Variants in CATSPERB observed in about 807,000 individuals in gnomAD.
The protein encoded by CATSPERB is cation channel sperm-associated auxiliary subunit beta.
Under a neutral mutation model 128.3 loss-of-function variants are expected in CATSPERB, and 93 were observed. The observed-to-expected ratio is 0.72, with a 90% CI of 0.61 to 0.86. The LOEUF (loss-of-function observed/expected upper bound fraction) is 0.86, where lower values mean the gene tolerates loss of function less well. Ranked by LOEUF, CATSPERB falls within the 40% of genes least tolerant of loss-of-function variation. CATSPERB has a pLI of 0.00. For synonymous variants in CATSPERB, 381 were observed against 448.8 expected, an observed-to-expected ratio of 0.85 and a Z score of 1.91; for missense variants, 1,153 against 1,329.5, an observed-to-expected ratio of 0.87 and a Z score of 2.06.
chr14:91,682,686 C>T (rs1037780906), intron 11 of CATSPERB, among the ~76,000 whole-genome samples: 2 of 152,178 alleles, frequency 1.3e-5, no homozygotes, highest in African/African-American at 2.4e-5. Flanking sequence ...AAAGCACAAA[C>T]GCCAGACACC....
At chr14:91,716,879 C>A (rs917934027) in intron 5 of CATSPERB, among the ~76,000 whole-genome samples, 1 of 152,082 alleles carries the variant, frequency 6.6e-6, no homozygotes, top group Non-Finnish European at 1.5e-5. Flanking sequence ...ACTTACCATA[C>A]AACACAGTAA....
intron 19 of CATSPERB, among the ~76,000 whole-genome samples, chr14:91,619,861 TTGTGTGTGTGTGTGTGTGTGTGTGTG>T (rs55687285): frequency 2.2e-5 from 3 of 139,034 alleles, no homozygotes; most frequent in African/African-American, 5.4e-5. Flanking sequence ...TGTAATAAAA[TTGTGTGTGTGTGTGTGTGTGTGTGTG>T]TGTGTGTGTG....
intron 7 of CATSPERB, among the ~76,000 whole-genome samples, chr14:91,697,668 T>C (rs1362749347): frequency 6.6e-6 from 1 of 152,236 alleles, no homozygotes; most frequent in Non-Finnish European, 1.5e-5. Flanking sequence ...TTGTTAACTT[T>C]GTTGAAGATC....
At chr14:91,588,511 T>C (rs938839122) in intron 24 of CATSPERB, among the ~76,000 whole-genome samples, 10 of 152,168 alleles carry the variant, frequency 6.6e-5, no homozygotes, top group Non-Finnish European at 1.3e-4. Context: ...TATAATAAGG[T>C]GGCAGTAAAG....
intron 26 of CATSPERB, among the ~76,000 whole-genome samples, chr14:91,582,834 C>T (rs1893227535): frequency 6.6e-6 from 1 of 152,146 alleles, no homozygotes; most frequent in Non-Finnish European, 1.5e-5. Context: ...TTGCCCTCCT[C>T]ACTCTTCAAT....
chr14:91,610,664 A>C lies in CATSPERB; in HGVS notation c.2414T>G (p.Leu805Arg). 1 of 1,611,446 alleles carries C rather than the reference A, an allele frequency of 6.2e-7. No individual in the cohort carries two copies. The highest frequency in any genetic ancestry group is 8.5e-7 in the Non-Finnish European group (1 of 1,177,994). Residue 805 changes from leucine (L) to arginine (R), a missense_variant, in exon 21 of 27, where the codon CTG (leucine) becomes CGG (arginine). By Grantham distance (102) the Leu-to-Arg change is moderately radical. Coordinates refer to ENST00000256343, the MANE Select transcript of CATSPERB (RefSeq NM_024764.4). ...SKVLHQGSTS[L>R]AFIMWSASTE... The stretch of plus-strand genomic sequence containing the variant: ...AGAGGCTGACCACATAATAAATGCC[A>C]GTGAAGTTGAACCCTGGAAATAACC...
intron 24 of CATSPERB, among the ~76,000 whole-genome samples, chr14:91,588,767 T>G (rs970601478): frequency 1.3e-5 from 2 of 152,204 alleles, no homozygotes; most frequent in African/African-American, 4.8e-5. Context: ...ATCAGGACTC[T>G]AAAACTGGTA....
rs1895473950 is a variant in CATSPERB, at chr14:91,691,654, T to C, written c.832-99A>G. 25 of 921,614 alleles carry C rather than the reference T, an allele frequency of 2.7e-5. No individual in the cohort carries two copies. In the South Asian group the frequency reaches 4.7e-4, roughly 17 times the overall value. 57.1% of individuals were successfully genotyped at this position (921,614 alleles called of 1,614,324 possible). A position where few individuals can be genotyped will look rare whatever the true frequency, so the allele number is the denominator to read the frequency against. On this transcript the variant is annotated intron_variant, in intron 9 of 26. Transcript: ENST00000256343. ...TACTAAAGGAAATAAACCATATAAA[T>C]TCGTTGAAACAAAATTATAACTAAA...
At chr14:91,593,802 A>G (rs1259103333) in intron 22 of CATSPERB, among the ~76,000 whole-genome samples, 1 of 152,148 alleles carries the variant, frequency 6.6e-6, no homozygotes, top group Non-Finnish European at 1.5e-5. Flanking sequence ...CCAGGGGCAG[A>G]ATGATATGGT....
At chr14:91,714,754 T>G (rs1895907784) in intron 5 of CATSPERB, among the ~76,000 whole-genome samples, 2 of 151,988 alleles carry the variant, frequency 1.3e-5, no homozygotes, top group African/African-American at 4.8e-5. Flanking sequence ...GAGATGGGGT[T>G]TCGCCACGTT....
At chr14:91,674,695 T>G (rs556342612) in intron 11 of CATSPERB, among the ~76,000 whole-genome samples, 1 of 151,728 alleles carries the variant, frequency 6.6e-6, no homozygotes. Context: ...CTAATTATGT[T>G]CTTGCTTAGA....
rs143756618 is a variant in CATSPERB at position 91,674,241 on chromosome 14, G to A, written c.932-19C>T. ...TAATCAACTGTGAAATAAATACAAGGGTACAGGAATTATGAGCATATCTGT... is the reference window on the plus strand; with the variant it reads ...TAATCAACTGTGAAATAAATACAAGAGTACAGGAATTATGAGCATATCTGT... On this transcript the variant is annotated intron_variant, in intron 11 of 26. Transcript: ENST00000256343. 0.01 allele frequency: 15,208 copies of A among 1,495,558 alleles called. 120 individuals are homozygous for A. The highest frequency in any genetic ancestry group is 0.043 in the Middle Eastern group (251 of 5,772). The allele number at this position is 1,495,558 out of a possible 1,614,324, so 92.6% of individuals were successfully genotyped here.
chr14:91,590,729 C>T (rs61991982), intron 23 of CATSPERB, among the ~76,000 whole-genome samples: 20,481 of 151,554 alleles, frequency 0.14, 1,508 homozygotes, highest in Non-Finnish European at 0.17. Context: ...CAGCTCACTG[C>T]AAGCTCCACC....
intron 13 of CATSPERB, among the ~76,000 whole-genome samples, chr14:91,671,615 A>AT (rs1895089423): frequency 8.0e-6 from 1 of 124,532 alleles, no homozygotes; most frequent in East Asian, 2.3e-4. Context: ...AAACCAACCA[A>AT]CAAAAAAAAA....
intron 14 of CATSPERB, among the ~76,000 whole-genome samples, chr14:91,661,209 C>G (rs1043174115): frequency 2.0e-5 from 3 of 152,106 alleles, no homozygotes; most frequent in African/African-American, 4.8e-5. Flanking sequence ...TAGGCTCGAA[C>G]TTGTATCATA....
At chr14:91,631,808 G>A (rs1894283599) in intron 17 of CATSPERB, among the ~76,000 whole-genome samples, 1 of 152,010 alleles carries the variant, frequency 6.6e-6, no homozygotes, top group South Asian at 2.1e-4. Flanking sequence ...AAATATAAAG[G>A]GTAGATACTG....
intron 2 of CATSPERB, among the ~76,000 whole-genome samples, chr14:91,725,643 C>T (rs2139782853): frequency 6.6e-6 from 1 of 152,246 alleles, no homozygotes; most frequent in African/African-American, 2.4e-5. Context: ...CAGTTTGGGG[C>T]ACAAACTCAG....
At chr14:91,611,097 G>A (rs932480098) in intron 20 of CATSPERB, among the ~76,000 whole-genome samples, 7 of 152,076 alleles carry the variant, frequency 4.6e-5, no homozygotes, top group African/African-American at 1.7e-4. Flanking sequence ...GTATTTTGTT[G>A]TGGCAGCCAT....
chr14:91,619,044 A>G (rs1344079052), intron 19 of CATSPERB, among the ~76,000 whole-genome samples: 1 of 152,236 alleles, frequency 6.6e-6, no homozygotes, highest in African/African-American at 2.4e-5. Flanking sequence ...AACTGAACAC[A>G]TATAACTGAT....
Sources: allele counts gnomAD v4.1 joint callset (sites outside exome capture counted in the v4.1 genomes callset), GRCh38; gene constraint gnomAD v4.1.1; transcripts MANE v1.5; gene names NCBI Gene and HGNC (gene_info 2026-07-23, HGNC 2026-07-21).